LUC7L3: variants seen among roughly 807,000 people sequenced by gnomAD.
The protein encoded by LUC7L3 is LUC7 like 3 pre-mRNA splicing factor, also known as luc7-like protein 3.
Under a neutral mutation model 66.8 loss-of-function variants are expected in LUC7L3, and 6 were observed. That is an observed-to-expected ratio of 0.09 (90% CI 0.05 to 0.18). The LOEUF (loss-of-function observed/expected upper bound fraction) is 0.18, where lower values mean the gene tolerates loss of function less well. Among genes scored for constraint, LUC7L3 ranks in the 10% least tolerant of loss-of-function variants. The probability of loss-of-function intolerance (pLI) is 1.00; values close to 1 mark genes in which losing one functional copy is unlikely to be tolerated. For missense variants in LUC7L3, 341 were observed against 531.1 expected, an observed-to-expected ratio of 0.64 and a Z score of 3.52; for synonymous variants, 160 against 174.7, an observed-to-expected ratio of 0.92 and a Z score of 0.66.
Position 50,750,929 on chromosome 17 carries a change from C to G in LUC7L3, c.*268C>G, listed in dbSNP as rs1291860874. The G allele has an allele frequency of 9.8e-6, 15 of 1,533,888 alleles. No homozygotes were observed. Among genetic ancestry groups the G allele is most frequent in the Non-Finnish European group, 1.3e-5 (15 of 1,145,968 alleles). ...GTGCCTCTTTGGAAATTATCGCCCA[C>G]ATTTGTAATATAGTCGCCATTGAAA... On this transcript the variant is annotated 3_prime_UTR_variant, in exon 10 of 10. Coordinates refer to ENST00000505658, the MANE Select transcript of LUC7L3 (RefSeq NM_016424.5).
At chr17:50,736,823 T>G in intron 1 of LUC7L3, 137 bp from the exon 2 acceptor site, 1 of 626,118 alleles carries the variant, frequency 1.6e-6, no homozygotes, top group Admixed American at 3.0e-5. Context: ...TTACCTAATA[T>G]GATTCAACAA....
intron 1 of LUC7L3, among the ~76,000 whole-genome samples, chr17:50,728,907 T>TAATC (rs10660684): frequency 1 from 152,080 of 152,164 alleles, 75,998 homozygotes; most frequent in Middle Eastern, 1. Flanking sequence ...GATTTTAAAT[T>TAATC]AATATTTGTA....
At chr17:50,744,170 TA>T (rs1177125598) in intron 6 of LUC7L3, among the ~76,000 whole-genome samples, 1 of 152,266 alleles carries the variant, frequency 6.6e-6, no homozygotes, top group African/African-American at 2.4e-5. Context: ...AATACACCCT[TA>T]AATATCTAAT....
In LUC7L3 at chr17:50,746,581, A is replaced by G. The variant is rs1970682431; in HGVS notation, c.1017A>G (p.Ser339=). The change falls in exon 9 of 10, where the codon TCA becomes TCG. Residue 339 remains serine, a synonymous_variant. Coordinates refer to ENST00000505658, the MANE Select transcript of LUC7L3 (RefSeq NM_016424.5). ...GAAGAAGCAGAAGCCATGATCGATCAGAAAGAAAACACAGATCTCGAAGTC... is the reference window on the plus strand; with the variant it reads ...GAAGAAGCAGAAGCCATGATCGATCGGAAAGAAAACACAGATCTCGAAGTC... ...DRRRSRSHDR[S]ERKHRSRSRD... The G allele has an allele frequency of 1.2e-6, 2 of 1,614,070 alleles. No homozygotes were observed. The highest frequency in any genetic ancestry group is 1.7e-5 in the Admixed American group (1 of 60,002).
rs1283268226 is a variant in LUC7L3 at position 50,754,279 on chromosome 17, A to G, written c.*3618A>G. 6.6e-6 allele frequency: 1 copy of G among 152,212 alleles called. No homozygotes were observed. The allele number at this position is 152,212 out of a possible 1,614,324, so 9.4% of individuals were successfully genotyped here. A position where few individuals can be genotyped will look rare whatever the true frequency, so the allele number is the denominator to read the frequency against. ...ATTTTGGAAATTTAAAGACATACAC[A>G]AAAGAGGAACAATATAATTAACCTC... On this transcript the variant is annotated 3_prime_UTR_variant, in exon 10 of 10. Coordinates refer to ENST00000505658, the MANE Select transcript of LUC7L3 (RefSeq NM_016424.5).
rs75301826 is a variant in LUC7L3, at chr17:50,745,280, C to T, written c.694-440C>T. ...GTGCTGAGCCACTGCGCTCGGCCAG[C>T]GTAAATTTCTTCTAAAGATACATTT... On this transcript the variant is annotated intron_variant, in intron 7 of 9. Coordinates refer to ENST00000505658, the MANE Select transcript of LUC7L3 (RefSeq NM_016424.5). Among the ~76,000 whole-genome samples the T allele has an allele frequency of 1.6e-3, 248 of 152,112 alleles. No homozygotes were observed. The East Asian group carries it at 0.04, about 25-fold the overall frequency.
Position 50,752,129 on chromosome 17 carries a change from A to G in LUC7L3, c.*1468A>G. On this transcript the variant is annotated 3_prime_UTR_variant, in exon 10 of 10. Coordinates refer to ENST00000505658, the MANE Select transcript of LUC7L3 (RefSeq NM_016424.5). ...TAATTAGCAGTTAGTGACTGGGCCA[A>G]CACTTTCTCATAAAAATTGGCCTTT... 1.6e-6 allele frequency: 2 copies of G among 1,272,406 alleles called. No homozygotes were observed. Among genetic ancestry groups the G allele is most frequent in the South Asian group, 2.6e-5 (2 of 77,546 alleles). 78.8% of individuals were successfully genotyped at this position (1,272,406 alleles called of 1,614,324 possible).
chr17:50,741,778 T>C (rs746326859), intron 5 of LUC7L3, 47 bp downstream of exon 5: 42 of 1,445,080 alleles, frequency 2.9e-5, no homozygotes, highest in Non-Finnish European at 4.0e-5. Flanking sequence ...GAAACAGACA[T>C]GTAACCAGCA....
Position 50,739,967 on chromosome 17 carries a change from G to T in LUC7L3, c.167-339G>T, listed in dbSNP as rs76977479. On this transcript the variant is annotated intron_variant, in intron 2 of 9. Transcript: ENST00000505658. ...TTTGAAAATAATAAAGTCGGCAATG[G>T]TTCAGTTCAGTGGTCTGTCCCCATC... is the stretch of plus-strand genomic sequence containing the variant. Among the ~76,000 whole-genome samples, 1,384 of 152,270 alleles carry T rather than the reference G, an allele frequency of 9.1e-3. 24 individuals carry two copies. The highest frequency in any genetic ancestry group is 0.032 in the African/African-American group (1,320 of 41,562).
intron 7 of LUC7L3, among the ~76,000 whole-genome samples, chr17:50,745,240 C>T (rs935445274): frequency 3.9e-5 from 6 of 152,216 alleles, no homozygotes; most frequent in East Asian, 1.9e-4. Context: ...GATCCGTCCT[C>T]CTCAGCCTCC....
intron 1 of LUC7L3, 71 bp downstream of exon 1, chr17:50,719,902 C>G: frequency 7.0e-7 from 1 of 1,430,324 alleles, no homozygotes; most frequent in Non-Finnish European, 9.5e-7. Context: ...CTGTGGCCCT[C>G]CTGGCCGCGG....
intron 2 of LUC7L3, among the ~76,000 whole-genome samples, chr17:50,739,536 C>T (rs1483065419): frequency 6.6e-6 from 1 of 152,058 alleles, no homozygotes; most frequent in African/African-American, 2.4e-5. Context: ...TGCCTGTAAT[C>T]CTAGCTCCTT....
At chr17:50,719,869 TG>T in intron 1 of LUC7L3, 38 bp downstream of exon 1, 1 of 1,563,990 alleles carries the variant, frequency 6.4e-7, no homozygotes, top group Non-Finnish European at 8.7e-7. Flanking sequence ...CCGGGCTCCG[TG>T]GGGGAGGGGA....
intron 9 of LUC7L3, among the ~76,000 whole-genome samples, chr17:50,749,000 T>C (rs1970850651): frequency 6.6e-6 from 1 of 152,198 alleles, no homozygotes; most frequent in Non-Finnish European, 1.5e-5. Context: ...CATTTATTAA[T>C]GGCAAATGAG....
intron 1 of LUC7L3, among the ~76,000 whole-genome samples, chr17:50,724,545 C>T (rs1055812968): frequency 6.6e-6 from 1 of 151,102 alleles, no homozygotes; most frequent in African/African-American, 2.4e-5. Context: ...ATAAAATAAC[C>T]ACAATACCAT....
intron 1 of LUC7L3, among the ~76,000 whole-genome samples, chr17:50,727,684 C>T (rs1038777704): frequency 7.2e-5 from 11 of 152,168 alleles, no homozygotes; most frequent in Admixed American, 3.9e-4. Context: ...AGAGAGAAGA[C>T]ACCTTACCAG....
At chr17:50,734,855 C>A (rs1259990585) in intron 1 of LUC7L3, among the ~76,000 whole-genome samples, 1 of 152,104 alleles carries the variant, frequency 6.6e-6, no homozygotes, top group Non-Finnish European at 1.5e-5. Flanking sequence ...TAGAAAGAAT[C>A]TCTCCAAAAC....
chr17:50,736,805 T>A, intron 1 of LUC7L3, 155 bp from the exon 2 acceptor site: 1 of 576,604 alleles, frequency 1.7e-6, no homozygotes, highest in Non-Finnish European at 3.0e-6. Context: ...AGTCTGAAAA[T>A]CACTAATTTA....
At chr17:50,740,437 A>G (rs1045380466) in intron 3 of LUC7L3, 92 bp downstream of exon 3, 1 of 1,237,176 alleles carries the variant, frequency 8.1e-7, no homozygotes, top group African/African-American at 1.5e-5. Context: ...TAAATGTAAA[A>G]TGAGTGTCTG....
Sources: allele counts gnomAD v4.1 joint callset (sites outside exome capture counted in the v4.1 genomes callset), GRCh38; gene constraint gnomAD v4.1.1; transcripts MANE v1.5; gene names NCBI Gene and HGNC (gene_info 2026-07-23, HGNC 2026-07-21).